The following SNTG2 variants were observed in gnomAD, a reference collection of about 807,000 sequenced individuals.
SNTG2 encodes the protein gamma-2-syntrophin.
A neutral mutation model predicts 70.9 loss-of-function variants in SNTG2; 74 were observed. The ratio of observed to expected loss-of-function variants is 1.04; its 90% CI spans 0.86 to 1.27. The LOEUF (loss-of-function observed/expected upper bound fraction) is 1.27, where lower values mean the gene tolerates loss of function less well. Among genes scored for constraint, SNTG2 ranks in the 50% most tolerant of loss-of-function variants. The pLI is 0.00. For synonymous variants in SNTG2, 278 were observed against 273.8 expected (o/e 1.02, Z -0.15); for missense variants, 717 against 690.7 (o/e 1.04, Z -0.43).
chr2:1,273,773 C>T (rs963345593), intron 14 of SNTG2, among the ~76,000 whole-genome samples: 6 of 151,520 alleles, frequency 4.0e-5, no homozygotes, highest in African/African-American at 7.3e-5. Flanking sequence ...AGATACAAAA[C>T]CAGAAGCACA....
At chr2:1,178,471 T>C (rs1458185099) in intron 8 of SNTG2, among the ~76,000 whole-genome samples, 9 of 152,118 alleles carry the variant, frequency 5.9e-5, no homozygotes, top group Non-Finnish European at 1.0e-4. Context: ...TTTTGAGATA[T>C]GTCCCATCAA....
intron 1 of SNTG2, among the ~76,000 whole-genome samples, chr2:1,081,199 C>T (rs1375664520): frequency 6.6e-6 from 1 of 152,204 alleles, no homozygotes. Context: ...AGCCCTGTGG[C>T]GGAGCTGGCC....
intron 4 of SNTG2, among the ~76,000 whole-genome samples, chr2:1,136,329 C>A (rs1353380636): frequency 6.6e-6 from 1 of 151,516 alleles, no homozygotes; most frequent in Non-Finnish European, 1.5e-5. Flanking sequence ...CAGAGAGACA[C>A]AGAGACAGTG....
chr2:1,308,190 C>T (rs1680797873), intron 14 of SNTG2, among the ~76,000 whole-genome samples: 1 of 152,122 alleles, frequency 6.6e-6, no homozygotes, highest in Non-Finnish European at 1.5e-5. Context: ...TTCAAACACG[C>T]GTAGGAGAAT....
chr2:1,204,730 C>T (rs924716561), intron 8 of SNTG2, among the ~76,000 whole-genome samples: 1 of 152,102 alleles, frequency 6.6e-6, no homozygotes, highest in Non-Finnish European at 1.5e-5. Flanking sequence ...TAATCTCTTA[C>T]GGGGCCTAAT....
intron 1 of SNTG2, chr2:1,068,345 A>T (rs1663293255): frequency 6.6e-6 from 1 of 152,158 alleles, no homozygotes; most frequent in Non-Finnish European, 1.5e-5. Flanking sequence ...GTTTTCTCCT[A>T]ATATTGGACA....
chr2:1,137,334 C>G (rs533806684), intron 4 of SNTG2, among the ~76,000 whole-genome samples: 1 of 151,802 alleles, frequency 6.6e-6, no homozygotes, highest in Admixed American at 6.6e-5. Context: ...GACACATGCA[C>G]ACACACATCC....
At chr2:1,069,745 C>G (rs771107438) in intron 1 of SNTG2, among the ~76,000 whole-genome samples, 3 of 152,024 alleles carry the variant, frequency 2.0e-5, no homozygotes, top group East Asian at 1.9e-4. Context: ...GAGCCGAGAT[C>G]GCACCACTGC....
At chr2:1,272,767 GA>G in intron 14 of SNTG2, among the ~76,000 whole-genome samples, 1 of 148,176 alleles carries the variant, frequency 6.7e-6, no homozygotes, top group Non-Finnish European at 1.5e-5. Flanking sequence ...GTGCAGAAAG[GA>G]CACCCCAGGG....
chr2:952,542 A>G (rs1228254549), intron 1 of SNTG2, among the ~76,000 whole-genome samples: 3 of 152,196 alleles, frequency 2.0e-5, no homozygotes, highest in African/African-American at 4.8e-5. Flanking sequence ...GCTAAATTTG[A>G]TGTTTTCCAG....
At chr2:1,233,872 G>A (rs1355803748) in intron 9 of SNTG2, among the ~76,000 whole-genome samples, 2 of 152,096 alleles carry the variant, frequency 1.3e-5, no homozygotes, top group African/African-American at 4.8e-5. Context: ...TGGATGGCGA[G>A]TGTCTGGGAG....
At chr2:1,160,751 G>T (rs897895095) in intron 6 of SNTG2, 2 of 152,358 alleles carry the variant, frequency 1.3e-5, no homozygotes, top group Admixed American at 6.5e-5. Flanking sequence ...AAGCCCTCTG[G>T]AGCGCACTTC....
intron 6 of SNTG2, among the ~76,000 whole-genome samples, chr2:1,163,876 AT>A (rs1235139253): frequency 6.6e-6 from 1 of 152,108 alleles, no homozygotes; most frequent in Non-Finnish European, 1.5e-5. Context: ...CCAGATAGAA[AT>A]GTCCTCAGGT....
chr2:960,516 G>A (rs551276704), intron 1 of SNTG2, among the ~76,000 whole-genome samples: 11 of 152,220 alleles, frequency 7.2e-5, no homozygotes, highest in Non-Finnish European at 1.0e-4. Flanking sequence ...CTCTGCCCTC[G>A]TGGAGGAGCT....
At chr2:1,314,623 C>T (rs1000973852) in intron 15 of SNTG2, among the ~76,000 whole-genome samples, 3 of 152,200 alleles carry the variant, frequency 2.0e-5, no homozygotes, top group Admixed American at 6.5e-5. Flanking sequence ...CTCTTCTGCT[C>T]GCGACAAGAA....
chr2:1,123,872 G>A (rs547134700), intron 4 of SNTG2, among the ~76,000 whole-genome samples: 37 of 152,234 alleles, frequency 2.4e-4, no homozygotes, highest in Non-Finnish European at 4.6e-4. Flanking sequence ...AATGGGCAAG[G>A]CAGATACAGA....
chr2:1,040,464 C>T (rs1661374359), intron 1 of SNTG2, among the ~76,000 whole-genome samples: 1 of 152,192 alleles, frequency 6.6e-6, no homozygotes, highest in South Asian at 2.1e-4. Flanking sequence ...CCCTGTCCAG[C>T]CCCACCTTTG....
chr2:1,266,226 G>A (rs1439338588), intron 13 of SNTG2, among the ~76,000 whole-genome samples: 4 of 152,142 alleles, frequency 2.6e-5, no homozygotes. Context: ...GCCAGGTATT[G>A]AGTGCGCGTT....
intron 16 of SNTG2, among the ~76,000 whole-genome samples, chr2:1,339,742 C>A (rs1346661930): frequency 6.6e-6 from 1 of 152,166 alleles, no homozygotes. Context: ...TAGAGGAAGC[C>A]ATAACTGCCT....
Sources: allele counts gnomAD v4.1 joint callset (sites outside exome capture counted in the v4.1 genomes callset), GRCh38; gene constraint gnomAD v4.1.1; transcripts MANE v1.5; gene names NCBI Gene and HGNC (gene_info 2026-07-23, HGNC 2026-07-21).